The following SMIM35 variants were observed in gnomAD, a reference collection of about 807,000 sequenced individuals.
SMIM35 encodes small integral membrane protein 35.
At chr11:118,041,149 G>A (rs938256340) in intron 1 of SMIM35, among the ~76,000 whole-genome samples, 15 of 152,056 alleles carry the variant, frequency 9.9e-5, no homozygotes, top group East Asian at 5.8e-4. Context: ...AAAACATTAA[G>A]CATCAAAATA....
intron 1 of SMIM35, among the ~76,000 whole-genome samples, chr11:118,052,862 A>G (rs61900564): frequency 0.019 from 2,818 of 152,066 alleles, 41 homozygotes; most frequent in Non-Finnish European, 0.028. Context: ...TCAACACTTC[A>G]TCCTGGGTGC....
At chr11:118,041,391 C>A (rs974248482) in intron 1 of SMIM35, among the ~76,000 whole-genome samples, 1 of 152,024 alleles carries the variant, frequency 6.6e-6, no homozygotes, top group African/African-American at 2.4e-5. Flanking sequence ...CCTGGATAGA[C>A]CATATGCCAA....
intron 1 of SMIM35, among the ~76,000 whole-genome samples, chr11:118,079,195 C>G (rs1388650786): frequency 6.6e-6 from 1 of 152,104 alleles, no homozygotes; most frequent in East Asian, 1.9e-4. Flanking sequence ...ACTGCCTGTG[C>G]TGAATAACCC....
chr11:118,053,348 ACACAC>A, intron 1 of SMIM35, among the ~76,000 whole-genome samples: 1 of 135,952 alleles, frequency 7.4e-6, no homozygotes, highest in South Asian at 2.3e-4. Context: ...ACACACACAC[ACACAC>A]AAAGCTTACT....
At chr11:118,079,166 C>G (rs1359050974) in intron 1 of SMIM35, among the ~76,000 whole-genome samples, 1 of 152,116 alleles carries the variant, frequency 6.6e-6, no homozygotes, top group Non-Finnish European at 1.5e-5. Context: ...AAGTTTCTAG[C>G]CCCGGAGCTA....
chr11:118,073,770 T>C (rs11216736), intron 1 of SMIM35, among the ~76,000 whole-genome samples: 8,685 of 152,284 alleles, frequency 0.057, 353 homozygotes, highest in East Asian at 0.19. Flanking sequence ...CACCAGCGAG[T>C]TCCCCTGGCC....
Position 118,040,044 on chromosome 11 carries a change from C to CAAAAAAA in SMIM35, c.8-24242_8-24236dup, listed in dbSNP as rs35273108. ...TGGGTAACAAAGCAAGACCTTATCT[C>CAAAAAAA]AAAAAAAAAAAAAAAAAAAAAATCA... On this transcript the variant is annotated intron_variant, in intron 1 of 4. Transcript: ENST00000689828. 4.9e-5 allele frequency among the ~76,000 whole-genome samples: 5 copies of CAAAAAAA among 102,192 alleles called. No individual in the cohort carries two copies. The South Asian group carries it at 1.7e-3, about 35-fold the overall frequency. The allele number at this position is 102,192 out of a possible 152,430, so 67.0% of individuals were successfully genotyped here.
At chr11:118,067,897 A>ATATATATATATATT (rs1944506681) in intron 1 of SMIM35, among the ~76,000 whole-genome samples, 1 of 102,110 alleles carries the variant, frequency 9.8e-6, no homozygotes, top group East Asian at 2.8e-4. Flanking sequence ...ATATATATAT[A>ATATATATATATATT]TATATATATG....
At chr11:118,079,092 A>G (rs605805) in intron 1 of SMIM35, among the ~76,000 whole-genome samples, 31,538 of 151,990 alleles carry the variant, frequency 0.21, 3,559 homozygotes, top group East Asian at 0.41. Context: ...TGGAGGGGTC[A>G]GGTCAGGCCT....
chr11:118,027,285 C>T (rs1192206165), intron 1 of SMIM35, among the ~76,000 whole-genome samples: 1 of 151,286 alleles, frequency 6.6e-6, no homozygotes, highest in African/African-American at 2.4e-5. Context: ...CCTCGGCCTC[C>T]CAAAGTGCTG....
At chr11:118,060,725 C>A (rs923910139) in intron 1 of SMIM35, among the ~76,000 whole-genome samples, 1 of 152,114 alleles carries the variant, frequency 6.6e-6, no homozygotes, top group Non-Finnish European at 1.5e-5. Flanking sequence ...CCCTCGCCAC[C>A]CCTTCCTCTA....
intron 1 of SMIM35, among the ~76,000 whole-genome samples, chr11:118,018,317 G>A (rs1016184739): frequency 3.9e-5 from 6 of 152,286 alleles, no homozygotes; most frequent in South Asian, 2.1e-4. Flanking sequence ...TTAAAAGGAT[G>A]TCTCTGGCTG....
intron 1 of SMIM35, among the ~76,000 whole-genome samples, chr11:118,074,296 G>GA (rs974400833): frequency 3.3e-4 from 50 of 151,848 alleles, no homozygotes; most frequent in Non-Finnish European, 6.0e-4. Flanking sequence ...AGAAGGAAGA[G>GA]AAAAAAATGT....
chr11:118,009,604 T>C (rs924691473), intron 4 of SMIM35, among the ~76,000 whole-genome samples: 5 of 152,100 alleles, frequency 3.3e-5, no homozygotes, highest in Non-Finnish European at 5.9e-5. Context: ...CCATCACCTT[T>C]CAACTGCCAT....
chr11:118,053,171 T>C (rs980309993), intron 1 of SMIM35, among the ~76,000 whole-genome samples: 2 of 152,096 alleles, frequency 1.3e-5, no homozygotes, highest in Non-Finnish European at 2.9e-5. Context: ...GCCAGGCGTG[T>C]TGGCAGGGCG....
chr11:118,027,915 T>C (rs1198072183), intron 1 of SMIM35, among the ~76,000 whole-genome samples: 1 of 152,252 alleles, frequency 6.6e-6, no homozygotes, highest in Admixed American at 6.5e-5. Context: ...AAGTGTTGCA[T>C]GTGGATCCGT....
At chr11:118,076,306 G>A (rs1565401054) in intron 1 of SMIM35, among the ~76,000 whole-genome samples, 2 of 151,906 alleles carry the variant, frequency 1.3e-5, no homozygotes, top group Non-Finnish European at 2.9e-5. Context: ...ACTTAGCTGG[G>A]TGTGGTGGCA....
rs531388734 is a variant in SMIM35, at chr11:118,013,874, C to T, written c.165G>A (p.Leu55=). ...AGGGTGGACCCATCTCCAGATCCTTCAGGTTCCTGAAAAAGATGATCCAAT... is the reference window on the plus strand; with the variant it reads ...AGGGTGGACCCATCTCCAGATCCTTTAGGTTCCTGAAAAAGATGATCCAAT... ...FVFNLYQIRN[L]KDLEMGPPFT... The change falls in exon 4 of 5, where the codon CTG becomes CTA. Residue 55 remains leucine (L), a synonymous_variant. Transcript: ENST00000689828. 1 of 398,936 alleles carries T rather than the reference C, an allele frequency of 2.5e-6. No homozygotes were observed. Among genetic ancestry groups the T allele is most frequent in the East Asian group, 3.6e-5 (1 of 28,084 alleles). The allele number at this position is 398,936 out of a possible 1,614,324, so 24.7% of individuals were successfully genotyped here.
chr11:118,013,876 G>C lies in SMIM35; in HGVS notation c.163C>G (p.Leu55Val). 5.0e-6 allele frequency: 2 copies of C among 399,048 alleles called. No individual in the cohort carries two copies. The highest frequency in any genetic ancestry group is 8.8e-6 in the Non-Finnish European group (2 of 226,086). 24.7% of individuals were successfully genotyped at this position (399,048 alleles called of 1,614,324 possible). The change falls in exon 4 of 5, where the codon CTG becomes GTG. Residue 55 changes from leucine (L) to valine (V), a missense_variant. Leu to Val is a conservative substitution (Grantham distance 32). Transcript: ENST00000689828. ...GGTGGACCCATCTCCAGATCCTTCA[G>C]GTTCCTGAAAAAGATGATCCAATCA... is the stretch of plus-strand genomic sequence containing the variant. ...FVFNLYQIRNLKDLEMGPPFT... is the reference protein window; with the variant it reads ...FVFNLYQIRNVKDLEMGPPFT...
Sources: allele counts gnomAD v4.1 joint callset (sites outside exome capture counted in the v4.1 genomes callset), GRCh38; gene constraint gnomAD v4.1.1; transcripts MANE v1.5; gene names NCBI Gene and HGNC (gene_info 2026-07-23, HGNC 2026-07-21).